Variants in MZT2A observed in about 807,000 individuals in gnomAD.
MZT2A encodes mitotic spindle organizing protein 2A.
In MZT2A, 8 loss-of-function variants were observed where a neutral mutation model predicts 12.4. The ratio of observed to expected loss-of-function variants is 0.64; its 90% CI spans 0.38 to 1.16. MZT2A has a LOEUF of 1.16. MZT2A is among the 50% of genes most tolerant of loss of function. The pLI is 0.01. For missense variants in MZT2A, 181 were observed against 223.6 expected (o/e 0.81, Z 1.22); for synonymous variants, 88 against 107.5 (o/e 0.82, Z 1.12).
At chr2:131,482,390 C>T (rs190815908), downstream of MZT2A, among the ~76,000 whole-genome samples, 27 of 152,352 alleles carry the variant, frequency 1.8e-4, 1 homozygote, top group African/African-American at 5.3e-4. Flanking sequence ...TCATCTGGAA[C>T]TATCACCCTG....
intron 2 of MZT2A, among the ~76,000 whole-genome samples, chr2:131,485,828 C>T (rs976096937): frequency 2.0e-5 from 3 of 152,092 alleles, no homozygotes; most frequent in African/African-American, 7.2e-5. Flanking sequence ...ATTTGTTTCA[C>T]CATCTGTCAC....
At chr2:131,479,197 G>A, downstream of MZT2A, 1 of 1,490,548 alleles carries the variant, frequency 6.7e-7, no homozygotes. Context: ...TGACATGTAG[G>A]TCATGTACTT....
At position 131,487,004 on chromosome 2, in the gene MZT2A, C is replaced by G. The variant is rs1211927293; in HGVS notation, c.320-2786G>C. On this transcript the variant is annotated intron_variant, in intron 2 of 2. Transcript: ENST00000309451. ...CTGCAGTGCCTTGCAGTGGGGAAAC[C>G]AGCTTTGCTTAGCCCTGCTCCCTCG... Among the ~76,000 whole-genome samples the G allele has an allele frequency of 2.6e-5, 4 of 152,090 alleles. No individual in the cohort carries two copies. In the East Asian group the frequency reaches 5.8e-4, roughly 22 times the overall value.
intron 3 of MZT2A, chr2:131,471,969 A>G (rs111449323): frequency 0.066 from 71,268 of 1,083,190 alleles, 5,954 homozygotes; most frequent in African/African-American, 0.4. Flanking sequence ...GTCCATGAGC[A>G]GGAGTCCCAA....
At chr2:131,492,933 T>A, upstream of MZT2A, 2 of 1,522,798 alleles carry the variant, frequency 1.3e-6, no homozygotes, top group Non-Finnish European at 1.8e-6. Context: ...CCCGCACTCC[T>A]GCCTCGCCAT....
chr2:131,480,016 G>T, downstream of MZT2A: 3 of 1,527,876 alleles, frequency 2.0e-6, no homozygotes, highest in Non-Finnish European at 1.8e-6. Flanking sequence ...CTTGTTGGAG[G>T]TTGGTGGTGT....
At chr2:131,471,971 G>A in intron 3 of MZT2A, 1 of 1,098,744 alleles carries the variant, frequency 9.1e-7, no homozygotes, top group Non-Finnish European at 1.2e-6. Context: ...CCATGAGCAG[G>A]AGTCCCAAGG....
chr2:131,491,179 G>A (rs1254609072), intron 2 of MZT2A: 1 of 506,700 alleles, frequency 2.0e-6, no homozygotes, highest in South Asian at 2.0e-5. Context: ...GAGAGGATGA[G>A]CAGGGACGGA....
At chr2:131,492,104 G>A (rs1679342700) in intron 1 of MZT2A, 80 bp from the exon 2 acceptor site, 5 of 1,552,846 alleles carry the variant, frequency 3.2e-6, no homozygotes, top group Admixed American at 1.9e-5. Flanking sequence ...AAGGACGGGG[G>A]CGGGGGCAGC....
chr2:131,492,066 G>A (rs766171353), intron 1 of MZT2A, 42 bp from the exon 2 acceptor site: 1 of 1,561,626 alleles, frequency 6.4e-7, no homozygotes, highest in South Asian at 1.2e-5. Flanking sequence ...CTCTCCGCCC[G>A]GCGCGGCCAC....
chr2:131,493,211 C>A, upstream of MZT2A: 1 of 1,373,804 alleles, frequency 7.3e-7, no homozygotes. Context: ...CTGCGGAGGC[C>A]ATCTCCGTTC....
chr2:131,484,789 C>A (rs1433071258), intron 2 of MZT2A, among the ~76,000 whole-genome samples: 14 of 152,222 alleles, frequency 9.2e-5, no homozygotes. Flanking sequence ...AAGCCTCTTG[C>A]TTTCGGGTTT....
At chr2:131,479,754 T>C (rs113320774), downstream of MZT2A, among the ~76,000 whole-genome samples, 8,984 of 152,126 alleles carry the variant, frequency 0.059, 314 homozygotes, top group Non-Finnish European at 0.085. Context: ...GCAGGAGAAT[T>C]GCTTGAACCC....
At chr2:131,481,435 A>ATTTT (rs70994779), downstream of MZT2A, among the ~76,000 whole-genome samples, 484 of 129,238 alleles carry the variant, frequency 3.7e-3, 9 homozygotes, top group African/African-American at 0.013. Flanking sequence ...TGCCCGGGTA[A>ATTTT]TTTTTTTTTT....
downstream of MZT2A, among the ~76,000 whole-genome samples, chr2:131,481,636 T>C (rs1431569968): frequency 6.6e-6 from 1 of 152,178 alleles, no homozygotes; most frequent in Non-Finnish European, 1.5e-5. Context: ...GATTTTGCCA[T>C]GTTGGCCAGG....
Position 131,484,062 on chromosome 2 carries a change from T to C in MZT2A, c.476A>G (p.Ter159TrpextTer27). 1 of 1,604,840 alleles carries C rather than the reference T, an allele frequency of 6.2e-7. No individual in the cohort carries two copies. Among genetic ancestry groups the C allele is most frequent in the Non-Finnish European group, 8.5e-7 (1 of 1,173,276 alleles). The change falls in exon 3 of 3, where the codon TAG becomes TGG. Residue 159 changes from the stop codon to tryptophan, a stop_lost. Coordinates refer to ENST00000309451, the MANE Select transcript of MZT2A (RefSeq NM_001085365.2). ...GATGTGACAAGTCTCTGCCCCATCC[T>C]AGGTGCTGCCCTGCGTAGGGCTCTT... ...PGKSPTQGST* is the reference protein window; with the variant it reads ...PGKSPTQGSTW
chr2:131,474,691 TGA>T (rs1311179365), intron 2 of MZT2A, among the ~76,000 whole-genome samples: 1 of 151,640 alleles, frequency 6.6e-6, no homozygotes, highest in Non-Finnish European at 1.5e-5. Context: ...ATTACAGGTG[TGA>T]GCCACCACGC....
upstream of MZT2A, chr2:131,493,275 G>A: frequency 7.5e-7 from 1 of 1,333,024 alleles, no homozygotes; most frequent in Non-Finnish European, 9.6e-7. Flanking sequence ...GGCCGGGCAG[G>A]CTGGGGAGTG....
At chr2:131,481,191 A>G (rs1176038948), downstream of MZT2A, among the ~76,000 whole-genome samples, 1 of 152,098 alleles carries the variant, frequency 6.6e-6, no homozygotes, top group Non-Finnish European at 1.5e-5. Context: ...GTCGTGAGCC[A>G]CTGCACCTAG....
Sources: allele counts gnomAD v4.1 joint callset (sites outside exome capture counted in the v4.1 genomes callset), GRCh38; gene constraint gnomAD v4.1.1; transcripts MANE v1.5; gene names NCBI Gene and HGNC (gene_info 2026-07-23, HGNC 2026-07-21).